Variants in NFIB observed in about 807,000 individuals in gnomAD.
NFIB encodes the protein nuclear factor 1 B-type.
NFIB carries 11 observed loss-of-function variants against 61.5 expected under a neutral mutation model. That is an observed-to-expected ratio of 0.18 (90% CI 0.11 to 0.30). The LOEUF (loss-of-function observed/expected upper bound fraction) is 0.30, where lower values mean the gene tolerates loss of function less well. Among genes scored for constraint, NFIB ranks in the 10% least tolerant of loss-of-function variants. The probability of loss-of-function intolerance (pLI) is 1.00; values close to 1 mark genes in which losing one functional copy is unlikely to be tolerated. For synonymous variants in NFIB, 260 were observed against 216.5 expected, an observed-to-expected ratio of 1.20 and a Z score of -1.76; for missense variants, 471 against 608.9, an observed-to-expected ratio of 0.77 and a Z score of 2.38.
the NFIB span, among the ~76,000 whole-genome samples, chr9:14,506,235 T>C: frequency 7.2e-5 from 11 of 152,202 alleles, no homozygotes; most frequent in African/African-American, 2.7e-4. Context: ...AATTTTGGTT[T>C]ATGCTGCTTG....
chr9:14,445,227 T>A, the NFIB span, among the ~76,000 whole-genome samples: 4 of 152,200 alleles, frequency 2.6e-5, no homozygotes, highest in African/African-American at 9.6e-5. Context: ...CTGTATATTT[T>A]GGGGGTTTTC....
chr9:14,440,833 C>T, the NFIB span, among the ~76,000 whole-genome samples: 1 of 152,124 alleles, frequency 6.6e-6, no homozygotes, highest in East Asian at 1.9e-4. Flanking sequence ...CCCCCTTTGC[C>T]TCATTGACTT....
chr9:14,179,926 G>C (rs1289336282), intron 2 of NFIB, 146 bp from the exon 3 acceptor site: 4 of 682,322 alleles, frequency 5.9e-6, no homozygotes, highest in East Asian at 5.5e-5. Context: ...ACTTTTGATA[G>C]AAACATTTTA....
At chr9:14,350,643 A>T (rs533786801) in intron 1 of NFIB, among the ~76,000 whole-genome samples, 1 of 152,170 alleles carries the variant, frequency 6.6e-6, no homozygotes, top group African/African-American at 2.4e-5. Context: ...GAGATGTATA[A>T]TATCAGGCGC....
At chr9:14,447,731 G>A in the NFIB span, among the ~76,000 whole-genome samples, 1 of 152,088 alleles carries the variant, frequency 6.6e-6, no homozygotes, top group Admixed American at 6.6e-5. Context: ...CAGGCATGTG[G>A]ACTCCCTACC....
At chr9:14,332,576 A>G (rs2060835777) in intron 1 of NFIB, among the ~76,000 whole-genome samples, 1 of 152,210 alleles carries the variant, frequency 6.6e-6, no homozygotes, top group South Asian at 2.1e-4. Context: ...AGACGGGAGC[A>G]GTGAGGACCG....
At chr9:14,180,504 T>C (rs752400138) in intron 2 of NFIB, among the ~76,000 whole-genome samples, 1 of 152,214 alleles carries the variant, frequency 6.6e-6, no homozygotes. Flanking sequence ...CTATTCCTCA[T>C]TGATGCTACA....
At chr9:14,484,556 A>C in the NFIB span, among the ~76,000 whole-genome samples, 1 of 152,258 alleles carries the variant, frequency 6.6e-6, no homozygotes, top group Non-Finnish European at 1.5e-5. Flanking sequence ...CATCAGAGAA[A>C]TAAATAAATA....
chr9:14,205,526 A>G (rs987257145), intron 2 of NFIB, among the ~76,000 whole-genome samples: 9 of 152,026 alleles, frequency 5.9e-5, no homozygotes, highest in African/African-American at 2.2e-4. Context: ...CAGCAGCCAA[A>G]TACTGCATAA....
chr9:14,256,346 AT>A (rs1346195620), intron 2 of NFIB, among the ~76,000 whole-genome samples: 1 of 152,166 alleles, frequency 6.6e-6, no homozygotes, highest in East Asian at 1.9e-4. Flanking sequence ...TTATATACCC[AT>A]TCTGCACATT....
At chr9:14,451,068 C>A in the NFIB span, among the ~76,000 whole-genome samples, 4 of 152,194 alleles carry the variant, frequency 2.6e-5, no homozygotes, top group African/African-American at 9.7e-5. Flanking sequence ...CACATTACCT[C>A]GGTGAAGCCT....
At chr9:14,454,433 G>A in the NFIB span, among the ~76,000 whole-genome samples, 3 of 152,172 alleles carry the variant, frequency 2.0e-5, no homozygotes, top group East Asian at 1.9e-4. Flanking sequence ...CATTTGACCA[G>A]GAGGTAACCC....
At chr9:14,236,664 A>G (rs2053777435) in intron 2 of NFIB, among the ~76,000 whole-genome samples, 1 of 152,164 alleles carries the variant, frequency 6.6e-6, no homozygotes, top group South Asian at 2.1e-4. Context: ...TTTGGATTCT[A>G]TTTAATGAAT....
chr9:14,250,388 A>G (rs1317113780), intron 2 of NFIB, among the ~76,000 whole-genome samples: 1 of 152,226 alleles, frequency 6.6e-6, no homozygotes, highest in East Asian at 1.9e-4. Context: ...GCTTTTTGGA[A>G]GGGAAGATCA....
the NFIB span, among the ~76,000 whole-genome samples, chr9:14,485,608 C>T: frequency 6.6e-6 from 1 of 152,100 alleles, no homozygotes; most frequent in Non-Finnish European, 1.5e-5. Context: ...GGCACGGTGG[C>T]TCAAGCCTGT....
chr9:14,255,724 C>G (rs186585616), intron 2 of NFIB, among the ~76,000 whole-genome samples: 1 of 152,170 alleles, frequency 6.6e-6, no homozygotes, highest in African/African-American at 2.4e-5. Flanking sequence ...CACAAGGTCA[C>G]TATAAATAAC....
chr9:14,334,613 C>G (rs2060862850), intron 1 of NFIB, among the ~76,000 whole-genome samples: 1 of 152,084 alleles, frequency 6.6e-6, no homozygotes, highest in African/African-American at 2.4e-5. Context: ...TTGCAGATTT[C>G]TCTTCCTACT....
chr9:14,137,714 TAATA>T (rs2041226270), intron 6 of NFIB, among the ~76,000 whole-genome samples: 1 of 152,172 alleles, frequency 6.6e-6, no homozygotes, highest in South Asian at 2.1e-4. Context: ...ATATGTATGA[TAATA>T]AATATATACT....
upstream of NFIB, among the ~76,000 whole-genome samples, chr9:14,400,713 G>A (rs1463768477): frequency 6.6e-6 from 1 of 152,316 alleles, no homozygotes; most frequent in East Asian, 1.9e-4. Flanking sequence ...CAAATGGAAG[G>A]CAGTGATTGG....
Sources: gnomAD v4.1 joint callset for allele counts (sites outside exome capture counted in the v4.1 genomes callset) on GRCh38, gnomAD v4.1.1 for gene constraint, MANE v1.5 for transcripts, NCBI Gene and HGNC (gene_info 2026-07-23, HGNC 2026-07-21) for gene names.